ADCY8: variants seen among roughly 807,000 people sequenced by gnomAD.
ADCY8 encodes adenylate cyclase 8.
Under a neutral mutation model 119.7 loss-of-function variants are expected in ADCY8, and 51 were observed. That is an observed-to-expected ratio of 0.43 (90% confidence interval 0.34 to 0.54). The LOEUF (loss-of-function observed/expected upper bound fraction) is 0.54, where lower values mean the gene tolerates loss of function less well. ADCY8 is among the 20% of genes least tolerant of loss of function. ADCY8 has a pLI of 0.03. For missense variants in ADCY8, 1,383 were observed against 1,598.8 expected, an observed-to-expected ratio of 0.87 and a Z score of 2.30; for synonymous variants, 665 against 651.0, an observed-to-expected ratio of 1.02 and a Z score of -0.33.
intron 12 of ADCY8, among the ~76,000 whole-genome samples, chr8:130,823,023 C>T (rs534083392): frequency 6.6e-6 from 1 of 152,274 alleles, no homozygotes; most frequent in South Asian, 2.1e-4. Context: ...ATGAGCATGT[C>T]CTGCGTTCAG....
chr8:130,853,605 C>T (rs902035077), intron 9 of ADCY8, among the ~76,000 whole-genome samples: 7 of 147,150 alleles, frequency 4.8e-5, no homozygotes, highest in African/African-American at 1.3e-4. Flanking sequence ...TCTCATTTAG[C>T]GATTGAACTT....
In ADCY8 at chr8:130,854,824, TCCCTCCCTCCCTC is replaced by T. The variant is rs1563694465; in HGVS notation, c.2211-5034_2211-5022del. On this transcript the variant is annotated intron_variant, in intron 9 of 17. Transcript: ENST00000286355. ...CTCCGTCCCTCCCTCCCTCCCTCCC[TCCCTCCCTCCCTC>T]CCTTCCTTCCCTCCCTCCCTCTGTA... is the stretch of plus-strand genomic sequence containing the variant. Among the ~76,000 whole-genome samples, 122 of 21,928 alleles carry T rather than the reference TCCCTCCCTCCCTC, an allele frequency of 5.6e-3. 1 individual carries two copies. Among genetic ancestry groups the T allele is most frequent in the African/African-American group, 0.019 (115 of 5,976 alleles). 14.4% of individuals were successfully genotyped at this position (21,928 alleles called of 152,430 possible).
intron 5 of ADCY8, among the ~76,000 whole-genome samples, chr8:130,919,194 CT>C (rs1820224454): frequency 6.6e-6 from 1 of 152,166 alleles, no homozygotes; most frequent in East Asian, 1.9e-4. Flanking sequence ...TTCATCTACC[CT>C]TTTGCTGTTT....
chr8:131,022,511 C>T (rs1334732462), intron 1 of ADCY8, among the ~76,000 whole-genome samples: 1 of 152,080 alleles, frequency 6.6e-6, no homozygotes, highest in African/African-American at 2.4e-5. Context: ...TTTTCTTTAT[C>T]CAGTCTATCA....
intron 11 of ADCY8, among the ~76,000 whole-genome samples, chr8:130,845,106 C>G (rs1817256814): frequency 6.6e-6 from 1 of 152,002 alleles, no homozygotes; most frequent in Non-Finnish European, 1.5e-5. Flanking sequence ...TAAGGAAGGC[C>G]CTACTTTTAT....
chr8:130,817,955 G>A (rs1363006195), intron 13 of ADCY8, among the ~76,000 whole-genome samples: 2 of 152,116 alleles, frequency 1.3e-5, no homozygotes, highest in Admixed American at 6.5e-5. Context: ...ATCACAAAAA[G>A]ATAAGGAGAC....
intron 1 of ADCY8, among the ~76,000 whole-genome samples, chr8:131,027,986 A>T (rs949144826): frequency 3.3e-5 from 5 of 152,210 alleles, no homozygotes; most frequent in Non-Finnish European, 7.4e-5. Flanking sequence ...CTCACAGCCC[A>T]GCTGGTGAGA....
intron 8 of ADCY8, among the ~76,000 whole-genome samples, chr8:130,869,775 C>T (rs896127604): frequency 6.6e-6 from 1 of 151,856 alleles, no homozygotes; most frequent in African/African-American, 2.4e-5. Context: ...CCTCGGCCTC[C>T]CAAAGGGCTG....
chr8:131,040,642 G>T lies in ADCY8; in HGVS notation c.-309C>A, dbSNP rs1292316679. The T allele has an allele frequency of 3.7e-6, 1 of 270,180 alleles. No individual in the cohort carries two copies. Among genetic ancestry groups the T allele is most frequent in the Admixed American group, 5.2e-5 (1 of 19,152 alleles). The allele number at this position is 270,180 out of a possible 1,614,324, so 16.7% of individuals were successfully genotyped here. A position where few individuals can be genotyped will look rare whatever the true frequency, so the allele number is the denominator to read the frequency against. ...CAGGAGCCGCAGCGCTGTGAGCCAC[G>T]CAGCCCCTTCCTGGGCTCAGGCTCC... On this transcript the variant is annotated 5_prime_UTR_variant, in exon 1 of 18. Coordinates refer to ENST00000286355, the MANE Select transcript of ADCY8 (RefSeq NM_001115.3).
rs202210196 is a variant in ADCY8 at position 130,780,882 on chromosome 8, G to A, written c.3269-5C>T. ...CCACTGAGCCGTGGCTGATGCCTGG[G>A]GGGTGAAGCAAAGGAGCAAGAAGTC... On this transcript the variant is annotated splice_region_variant and splice_polypyrimidine_tract_variant and intron_variant, in intron 17 of 17. Transcript: ENST00000286355. The A allele has an allele frequency of 1.2e-6, 2 of 1,612,122 alleles. No individual in the cohort carries two copies. The highest frequency in any genetic ancestry group is 2.2e-5 in the East Asian group (1 of 44,834).
chr8:130,937,278 G>T, intron 4 of ADCY8, 78 bp from the exon 5 acceptor site: 16 of 1,491,800 alleles, frequency 1.1e-5, no homozygotes, highest in Non-Finnish European at 1.3e-5. Flanking sequence ...AGAAAGAGGC[G>T]AGCAGGGTTA....
rs774921347 is a variant in ADCY8 at position 131,040,349 on chromosome 8, G to A, written c.-16C>T. ...AGAGCTCCATGGCTCTGGGCCGCAG[G>A]GAAGGAGGCCCAGAACCTTGGGGAG... On this transcript the variant is annotated 5_prime_UTR_variant, in exon 1 of 18. Transcript: ENST00000286355. 2 of 1,474,296 alleles carry A rather than the reference G, an allele frequency of 1.4e-6. No individual in the cohort carries two copies. Among genetic ancestry groups the A allele is most frequent in the East Asian group, 2.5e-5 (1 of 40,646 alleles). The allele number at this position is 1,474,296 out of a possible 1,614,324, so 91.3% of individuals were successfully genotyped here.
rs572413287 is a variant in ADCY8, at chr8:130,800,671, C to A, written c.2914-99G>T. On this transcript the variant is annotated intron_variant, in intron 14 of 17. Transcript: ENST00000286355. ...ACATGTGGGTACACACGTGCACAGT[C>A]ACCCACAGAGAGACAGAAAATGAGG... 122 of 1,304,270 alleles carry A rather than the reference C, an allele frequency of 9.4e-5. No individual in the cohort carries two copies. In the African/African-American group the frequency reaches 1.7e-3, roughly 18 times the overall value. The allele number at this position is 1,304,270 out of a possible 1,614,324, so 80.8% of individuals were successfully genotyped here. A position where few individuals can be genotyped will look rare whatever the true frequency, so the allele number is the denominator to read the frequency against.
intron 12 of ADCY8, among the ~76,000 whole-genome samples, chr8:130,823,008 T>C (rs895147881): frequency 6.6e-6 from 1 of 152,250 alleles, no homozygotes; most frequent in African/African-American, 2.4e-5. Context: ...CATTGCTTAG[T>C]TTGAATGAGC....
At chr8:130,789,977 G>C (rs1337270407) in intron 15 of ADCY8, among the ~76,000 whole-genome samples, 1 of 152,182 alleles carries the variant, frequency 6.6e-6, no homozygotes, top group Non-Finnish European at 1.5e-5. Flanking sequence ...AGGATGAGCT[G>C]CCTGGGGGAT....
At chr8:130,975,879 C>T (rs1202133070) in intron 2 of ADCY8, among the ~76,000 whole-genome samples, 4 of 152,146 alleles carry the variant, frequency 2.6e-5, no homozygotes, top group Admixed American at 6.5e-5. Flanking sequence ...AGCTATTGGA[C>T]AATTCCCAGT....
intron 1 of ADCY8, among the ~76,000 whole-genome samples, chr8:131,020,922 G>T (rs565305780): frequency 3.9e-5 from 6 of 152,140 alleles, no homozygotes; most frequent in Admixed American, 3.3e-4. Context: ...TACATCAGAT[G>T]ACATGACATC....
At chr8:130,847,310 GA>G in intron 11 of ADCY8, 113 bp downstream of exon 11, 1 of 685,896 alleles carries the variant, frequency 1.5e-6, no homozygotes, top group Non-Finnish European at 2.5e-6. Context: ...GCAGAAGAAG[GA>G]AAACAGGCCT....
intron 1 of ADCY8, among the ~76,000 whole-genome samples, chr8:131,013,323 T>C (rs1179131736): frequency 1.3e-5 from 2 of 152,056 alleles, no homozygotes; most frequent in Admixed American, 1.3e-4. Flanking sequence ...ACAATTATTC[T>C]GGGCAGAAGG....
Sources: gnomAD v4.1 joint callset for allele counts (sites outside exome capture counted in the v4.1 genomes callset) on GRCh38, gnomAD v4.1.1 for gene constraint, MANE v1.5 for transcripts, NCBI Gene and HGNC (gene_info 2026-07-23, HGNC 2026-07-21) for gene names.